Variants in SLIT3 observed in about 807,000 individuals in gnomAD.
SLIT3 encodes slit homolog 3 protein.
SLIT3 carries 68 observed loss-of-function variants against 184.0 expected under a neutral mutation model. That is an observed-to-expected ratio of 0.37 (90% confidence interval 0.30 to 0.45). The LOEUF is 0.45. Ranked by LOEUF, SLIT3 falls within the 20% of genes least tolerant of loss-of-function variation. The pLI is 1.00. For synonymous variants in SLIT3, 831 were observed against 828.6 expected (o/e 1.00, Z -0.05); for missense variants, 1,707 against 2,026.0 (o/e 0.84, Z 3.02).
chr5:168,682,246 T>C (rs1310077623), intron 32 of SLIT3, among the ~76,000 whole-genome samples: 1 of 152,248 alleles, frequency 6.6e-6, no homozygotes, highest in Non-Finnish European at 1.5e-5. Context: ...CCCTTTTCTT[T>C]GCTCCTCATC....
At chr5:169,098,721 G>A (rs979519035) in intron 4 of SLIT3, among the ~76,000 whole-genome samples, 14 of 152,074 alleles carry the variant, frequency 9.2e-5, no homozygotes, top group East Asian at 3.9e-4. Context: ...TGATGAAGAC[G>A]TCATTTGATC....
chr5:169,061,489 C>A (rs1268092239), intron 4 of SLIT3, among the ~76,000 whole-genome samples: 1 of 152,208 alleles, frequency 6.6e-6, no homozygotes, highest in African/African-American at 2.4e-5. Flanking sequence ...TCCCTACAAT[C>A]CACCCATGGT....
intron 4 of SLIT3, among the ~76,000 whole-genome samples, chr5:169,179,276 CTTTTTTTTTTTT>C (rs370270230): frequency 8.0e-6 from 1 of 125,048 alleles, no homozygotes; most frequent in Admixed American, 8.6e-5. Flanking sequence ...ATTCCTTTTT[CTTTTTTTTTTTT>C]TTTTTTTCCA....
At chr5:168,948,022 C>T (rs184308254) in intron 4 of SLIT3, among the ~76,000 whole-genome samples, 53 of 152,146 alleles carry the variant, frequency 3.5e-4, no homozygotes, top group Non-Finnish European at 5.7e-4. Context: ...AAACTCCTGA[C>T]CTCAAGTGAT....
intron 6 of SLIT3, among the ~76,000 whole-genome samples, chr5:168,836,978 A>C (rs1247578146): frequency 6.6e-6 from 1 of 152,202 alleles, no homozygotes; most frequent in Non-Finnish European, 1.5e-5. Context: ...ATTTCAAAGT[A>C]ATTTTTACTT....
Position 169,006,593 on chromosome 5 carries a change from T to A in SLIT3, c.414-123257A>T, listed in dbSNP as rs1349732559. Among the ~76,000 whole-genome samples, 22 of 140,476 alleles carry A rather than the reference T, an allele frequency of 1.6e-4. 1 individual carries two copies. The highest frequency in any genetic ancestry group is 6.8e-4 in the South Asian group (3 of 4,424). 92.2% of individuals were successfully genotyped at this position (140,476 alleles called of 152,430 possible). ...TTTCCCCCTCTTCTCTCTCTCTCTC[T>A]CTCTCTCTCTCTCACACACACACAC... is the stretch of plus-strand genomic sequence containing the variant. On this transcript the variant is annotated intron_variant, in intron 4 of 35. Coordinates refer to ENST00000519560, the MANE Select transcript of SLIT3 (RefSeq NM_003062.4).
At chr5:168,973,147 A>G (rs1260529749) in intron 4 of SLIT3, among the ~76,000 whole-genome samples, 2 of 152,224 alleles carry the variant, frequency 1.3e-5, no homozygotes, top group Non-Finnish European at 2.9e-5. Context: ...AGCCATGAAT[A>G]TAACTACAGT....
chr5:169,191,075 C>T (rs1187166754), intron 4 of SLIT3, among the ~76,000 whole-genome samples: 1 of 152,202 alleles, frequency 6.6e-6, no homozygotes, highest in Admixed American at 6.5e-5. Context: ...GGGCATCCTT[C>T]ATGTCTACAG....
intron 5 of SLIT3, among the ~76,000 whole-genome samples, chr5:168,864,042 CAA>C (rs34983916): frequency 0.014 from 1,390 of 98,086 alleles, 18 homozygotes; most frequent in African/African-American, 0.047. Flanking sequence ...TAAAAAAATA[CAA>C]AAAAAAAAAA....
rs567540503 is a variant in SLIT3 at position 168,728,876 on chromosome 5, C to G, written c.2271-4392G>C. On this transcript the variant is annotated intron_variant, in intron 20 of 35. Transcript: ENST00000519560. ...AAGGCTGCAGTGAGCTGTGATCACA[C>G]CACTGCACTTCAGCTTGAGTGACAG... Among the ~76,000 whole-genome samples the G allele has an allele frequency of 8.6e-5, 13 of 151,408 alleles. No homozygotes were observed. In the East Asian group the frequency reaches 2.5e-3, roughly 29 times the overall value.
intron 4 of SLIT3, among the ~76,000 whole-genome samples, chr5:169,015,270 G>A (rs1366998841): frequency 6.6e-6 from 1 of 152,160 alleles, no homozygotes; most frequent in Non-Finnish European, 1.5e-5. Flanking sequence ...TTATGCTCAG[G>A]AGGTAAAGGG....
chr5:169,169,311 G>A (rs559267921), intron 4 of SLIT3, among the ~76,000 whole-genome samples: 4 of 152,304 alleles, frequency 2.6e-5, no homozygotes, highest in Admixed American at 1.3e-4. Context: ...TAATCCGAGT[G>A]GGCATCCAGG....
chr5:168,936,679 A>T (rs1035130678), intron 4 of SLIT3, among the ~76,000 whole-genome samples: 6 of 152,098 alleles, frequency 3.9e-5, no homozygotes, highest in Non-Finnish European at 5.9e-5. Context: ...AGCTTTCCAT[A>T]TCCGGTGACT....
intron 8 of SLIT3, among the ~76,000 whole-genome samples, chr5:168,809,833 C>T (rs575424033): frequency 1.3e-5 from 2 of 152,310 alleles, no homozygotes; most frequent in Admixed American, 1.3e-4. Flanking sequence ...AGTGTTCCTT[C>T]TGGAAGGGCC....
At chr5:168,687,864 C>T (rs140855769) in intron 29 of SLIT3, among the ~76,000 whole-genome samples, 2 of 152,314 alleles carry the variant, frequency 1.3e-5, no homozygotes, top group East Asian at 3.9e-4. Flanking sequence ...ATAAGTGGCT[C>T]ATATTACCTG....
chr5:168,971,649 A>G (rs1034291875), intron 4 of SLIT3, among the ~76,000 whole-genome samples: 2 of 152,248 alleles, frequency 1.3e-5, no homozygotes, highest in African/African-American at 4.8e-5. Flanking sequence ...TTAATAAAAA[A>G]CATTCAATAA....
At chr5:168,829,531 C>G (rs1404565616) in intron 6 of SLIT3, among the ~76,000 whole-genome samples, 7 of 152,240 alleles carry the variant, frequency 4.6e-5, no homozygotes, top group Non-Finnish European at 1.0e-4. Context: ...AAGCTGGTTT[C>G]CTCCTTAATG....
chr5:169,242,766 G>C (rs113940536), intron 3 of SLIT3, among the ~76,000 whole-genome samples: 3 of 152,110 alleles, frequency 2.0e-5, no homozygotes, highest in African/African-American at 7.2e-5. Flanking sequence ...ACACCAACAC[G>C]GAGAAATAAT....
At chr5:168,926,159 T>A (rs947370141) in intron 4 of SLIT3, among the ~76,000 whole-genome samples, 3 of 149,430 alleles carry the variant, frequency 2.0e-5, no homozygotes, top group African/African-American at 7.5e-5. Flanking sequence ...TGTGCACTAC[T>A]CAGAAAGTGA....
Sources: gnomAD v4.1 joint callset for allele counts (sites outside exome capture counted in the v4.1 genomes callset) on GRCh38, gnomAD v4.1.1 for gene constraint, MANE v1.5 for transcripts, NCBI Gene and HGNC (gene_info 2026-07-23, HGNC 2026-07-21) for gene names.